Variants in NKAIN3 observed in about 807,000 individuals in gnomAD.
The protein encoded by NKAIN3 is sodium/potassium transporting ATPase interacting 3, also known as sodium/potassium-transporting ATPase subunit beta-1-interacting protein 3.
A neutral mutation model predicts 30.2 loss-of-function variants in NKAIN3; 25 were observed. That is an observed-to-expected ratio of 0.83 (90% CI 0.60 to 1.16). The LOEUF (loss-of-function observed/expected upper bound fraction) is 1.16. NKAIN3 is among the 50% of genes most tolerant of loss of function. NKAIN3 has a pLI of 0.00. For synonymous variants in NKAIN3, 91 were observed against 89.6 expected, an observed-to-expected ratio of 1.02 and a Z score of -0.09; for missense variants, 225 against 254.1, an observed-to-expected ratio of 0.89 and a Z score of 0.78.
At chr8:62,299,084 CT>C (rs1011416537) in intron 1 of NKAIN3, among the ~76,000 whole-genome samples, 1 of 151,856 alleles carries the variant, frequency 6.6e-6, no homozygotes, top group Non-Finnish European at 1.5e-5. Flanking sequence ...TAAGACATAG[CT>C]TTTTCATGTT....
At chr8:62,262,878 C>T (rs910450996) in intron 1 of NKAIN3, among the ~76,000 whole-genome samples, 2 of 152,070 alleles carry the variant, frequency 1.3e-5, no homozygotes, top group African/African-American at 4.8e-5. Flanking sequence ...TAACTCCTTC[C>T]CTACTAATGA....
intron 1 of NKAIN3, among the ~76,000 whole-genome samples, chr8:62,249,777 C>A (rs1220319975): frequency 1.3e-5 from 2 of 152,146 alleles, no homozygotes; most frequent in Non-Finnish European, 2.9e-5. Context: ...CAGCTGTCAT[C>A]AAGGAGAGAA....
intron 4 of NKAIN3, among the ~76,000 whole-genome samples, chr8:62,818,602 G>A (rs113053212): frequency 0.014 from 2,104 of 152,000 alleles, 47 homozygotes; most frequent in African/African-American, 0.049. Context: ...CCAATTATGT[G>A]TCAAGCACTA....
chr8:62,292,788 T>C (rs1312100672), intron 1 of NKAIN3, among the ~76,000 whole-genome samples: 1 of 152,230 alleles, frequency 6.6e-6, no homozygotes, highest in Non-Finnish European at 1.5e-5. Context: ...CCTGCCTCAC[T>C]AGGTTGGGGA....
chr8:62,604,550 T>A (rs978051489), intron 3 of NKAIN3, among the ~76,000 whole-genome samples: 5 of 152,048 alleles, frequency 3.3e-5, no homozygotes. Flanking sequence ...TGAAAAACAA[T>A]AAAAGCATGT....
intron 4 of NKAIN3, chr8:62,863,544 G>A: frequency 7.7e-7 from 1 of 1,295,970 alleles, no homozygotes; most frequent in Non-Finnish European, 1.1e-6. Context: ...TTGAGGAGAT[G>A]GTGGCCAAGT....
At chr8:62,732,166 G>A (rs2130546858) in intron 3 of NKAIN3, among the ~76,000 whole-genome samples, 1 of 151,988 alleles carries the variant, frequency 6.6e-6, no homozygotes, top group Non-Finnish European at 1.5e-5. Flanking sequence ...GTCGTAACTA[G>A]GAAAACTAAG....
chr8:62,319,310 G>A (rs9643537), intron 1 of NKAIN3, among the ~76,000 whole-genome samples: 1 of 151,862 alleles, frequency 6.6e-6, no homozygotes, highest in South Asian at 2.1e-4. Context: ...TTTTTGAAGG[G>A]TTTTTTGTGT....
chr8:62,263,041 ACT>A (rs1812492306), intron 1 of NKAIN3, among the ~76,000 whole-genome samples: 1 of 152,066 alleles, frequency 6.6e-6, no homozygotes, highest in African/African-American at 2.4e-5. Context: ...TATTTGCAAA[ACT>A]CTGCATGAAT....
At chr8:62,673,266 C>T (rs1259931398) in intron 3 of NKAIN3, among the ~76,000 whole-genome samples, 1 of 152,190 alleles carries the variant, frequency 6.6e-6, no homozygotes. Flanking sequence ...AATGGCAATT[C>T]TTAATTCATT....
intron 3 of NKAIN3, among the ~76,000 whole-genome samples, chr8:62,700,752 T>C (rs905014307): frequency 6.6e-6 from 1 of 152,222 alleles, no homozygotes; most frequent in Non-Finnish European, 1.5e-5. Flanking sequence ...AATTAACTGT[T>C]TTGTGTTGTC....
chr8:62,881,715 G>A (rs1820988941), intron 4 of NKAIN3, among the ~76,000 whole-genome samples: 1 of 152,108 alleles, frequency 6.6e-6, no homozygotes, highest in African/African-American at 2.4e-5. Context: ...TCAGATTTTT[G>A]TGCAAACATG....
intron 3 of NKAIN3, among the ~76,000 whole-genome samples, chr8:62,668,353 G>C (rs534027763): frequency 2.0e-5 from 3 of 152,284 alleles, no homozygotes; most frequent in African/African-American, 7.2e-5. Context: ...ATCCTTAAAG[G>C]CTTTAAAACC....
chr8:62,643,069 C>G (rs1447513941), intron 3 of NKAIN3, among the ~76,000 whole-genome samples: 1 of 151,934 alleles, frequency 6.6e-6, no homozygotes, highest in Non-Finnish European at 1.5e-5. Context: ...TAAAAGAATC[C>G]TTTGATAGCA....
chr8:62,875,261 C>T (rs1456481538), intron 4 of NKAIN3, among the ~76,000 whole-genome samples: 1 of 152,034 alleles, frequency 6.6e-6, no homozygotes, highest in Non-Finnish European at 1.5e-5. Context: ...AGGAATACAG[C>T]TAACAAGGGA....
At chr8:62,545,924 T>A (rs1276293495) in intron 1 of NKAIN3, among the ~76,000 whole-genome samples, 1 of 152,208 alleles carries the variant, frequency 6.6e-6, no homozygotes, top group African/African-American at 2.4e-5. Flanking sequence ...TATATAAACA[T>A]GCCCGTTTCT....
chr8:62,970,808 G>T lies in NKAIN3; in HGVS notation c.*5401G>T, dbSNP rs551660882. 1.7e-4 allele frequency among the ~76,000 whole-genome samples: 26 copies of T among 152,238 alleles called. No homozygotes were observed. Among genetic ancestry groups the T allele is most frequent in the Admixed American group, 1.4e-3 (22 of 15,286 alleles). ...AACATTGAATCATTTTCCATGTAAG[G>T]CATGTTTTTCCTTTCCTCTTCAGAG... On this transcript the variant is annotated 3_prime_UTR_variant, in exon 7 of 7. Transcript: ENST00000623646.
chr8:62,453,222 T>C (rs1805707361), intron 1 of NKAIN3, among the ~76,000 whole-genome samples: 1 of 152,170 alleles, frequency 6.6e-6, no homozygotes, highest in South Asian at 2.1e-4. Flanking sequence ...TACCATATGC[T>C]AAAATTCAAT....
intron 1 of NKAIN3, among the ~76,000 whole-genome samples, chr8:62,305,137 T>C (rs1814185802): frequency 6.6e-6 from 1 of 150,458 alleles, no homozygotes; most frequent in African/African-American, 2.5e-5. Flanking sequence ...GTTACATTTA[T>C]CATAGCATGT....
Sources: gnomAD v4.1 joint callset for allele counts (sites outside exome capture counted in the v4.1 genomes callset) on GRCh38, gnomAD v4.1.1 for gene constraint, MANE v1.5 for transcripts, NCBI Gene and HGNC (gene_info 2026-07-23, HGNC 2026-07-21) for gene names.